Variants in KIAA1614 observed in about 807,000 individuals in gnomAD.
KIAA1614 encodes the protein uncharacterized protein KIAA1614.
KIAA1614 carries 76 observed loss-of-function variants against 88.7 expected under a neutral mutation model. The observed-to-expected ratio is 0.86, with a 90% CI of 0.71 to 1.04. KIAA1614 has a LOEUF of 1.04. KIAA1614 is among the 50% of genes least tolerant of loss of function. The probability of loss-of-function intolerance (pLI) is 0.00; values close to 1 mark genes in which losing one functional copy is unlikely to be tolerated. For synonymous variants in KIAA1614, 714 were observed against 675.5 expected, an observed-to-expected ratio of 1.06 and a Z score of -0.88; for missense variants, 1,553 against 1,582.5, an observed-to-expected ratio of 0.98 and a Z score of 0.32.
At position 180,935,172 on chromosome 1, in the gene KIAA1614, C is replaced by T; in HGVS notation, c.1263C>T (p.Ser421=). The T allele has an allele frequency of 6.8e-7, 1 of 1,466,048 alleles. No homozygotes were observed. Among genetic ancestry groups the T allele is most frequent in the South Asian group, 1.5e-5 (1 of 67,974 alleles). 90.8% of individuals were successfully genotyped at this position (1,466,048 alleles called of 1,614,324 possible). The change falls in exon 5 of 9, where the codon AGC becomes AGT. Residue 421 remains serine (S), a synonymous_variant. Coordinates refer to ENST00000367588, the MANE Select transcript of KIAA1614 (RefSeq NM_020950.2). The surrounding 1 kb of genome is among the most constrained non-coding windows in gnomAD (Gnocchi z 6.1). ...GGACGACCCCTGCCTGCAGAGACAG[C>T]CTCCAGAACGGGCACACGAGCGATT... ...DPRTTPACRD[S]LQNGHTSDSS... is the part of the protein sequence containing the mutation.
At chr1:180,938,466 C>A in intron 5 of KIAA1614, 89 bp from the exon 6 acceptor site, 2 of 1,429,250 alleles carry the variant, frequency 1.4e-6, no homozygotes, top group East Asian at 2.3e-5. Context: ...TCTTCTCACC[C>A]TCCCCCTGTT....
chr1:180,935,289 C>T lies in KIAA1614; in HGVS notation c.1380C>T (p.Ala460=). Residue 460 remains alanine (A), a synonymous_variant, in exon 5 of 9, where the codon GCC becomes GCT. Transcript: ENST00000367588. The surrounding 1 kb of genome is among the most constrained non-coding windows in gnomAD (Gnocchi z 6.1). ...TTGAGGATGAGTCCGCCCGCGAAGC[C>T]GAGTTCCGTCACCTGGAGCGGCTGC... ...VRFEDESARE[A]EFRHLERLQQ... The T allele has an allele frequency of 6.7e-7, 1 of 1,501,088 alleles. No homozygotes were observed. The highest frequency in any genetic ancestry group is 1.4e-5 in the African/African-American group (1 of 69,050). 93.0% of individuals were successfully genotyped at this position (1,501,088 alleles called of 1,614,324 possible). A position where few individuals can be genotyped will look rare whatever the true frequency, so the allele number is the denominator to read the frequency against.
Position 180,935,833 on chromosome 1 carries a change from G to C in KIAA1614, c.1924G>C (p.Gly642Arg), listed in dbSNP as rs1281499605. ...TGGCTGGGCGTGTGGGCGGACCCAA[G>C]GCAGCAGCCCGCGACTGCGACTGCG... ...QAGWACGRTQ[G>R]SSPRLRLRGS... Residue 642 changes from glycine to arginine, a missense_variant, in exon 5 of 9, where the codon GGC becomes CGC. By Grantham distance (125) the Gly-to-Arg change is moderately radical. Coordinates refer to ENST00000367588, the MANE Select transcript of KIAA1614 (RefSeq NM_020950.2). The surrounding 1 kb of genome is among the most constrained non-coding windows in gnomAD (Gnocchi z 6.1). 4 of 1,613,530 alleles carry C rather than the reference G, an allele frequency of 2.5e-6. No homozygotes were observed. Among genetic ancestry groups the C allele is most frequent in the Non-Finnish European group, 3.4e-6 (4 of 1,179,922 alleles).
At position 180,941,205 on chromosome 1, in the gene KIAA1614, TAC is replaced by T; in HGVS notation, c.3081_3082del (p.Tyr1027Ter). The T allele has an allele frequency of 6.2e-7, 1 of 1,613,860 alleles. No homozygotes were observed. The highest frequency in any genetic ancestry group is 8.5e-7 in the Non-Finnish European group (1 of 1,179,976). The stretch of plus-strand genomic sequence containing the variant: ...GCCCAAGCTGGGCAAGTCCCGCAGC[TAC>T]AGTGTGGAGCAGTTGCAGCCCGCCC... ...SRPKLGKSRS[Y>X]SVEQLQPAPP... On this transcript the variant is annotated frameshift_variant, in exon 7 of 9. Transcript: ENST00000367588. LOFTEE classifies it high-confidence loss of function.
chr1:180,923,250 T>A (rs1423497478), intron 3 of KIAA1614, among the ~76,000 whole-genome samples: 1 of 152,182 alleles, frequency 6.6e-6, no homozygotes, highest in Non-Finnish European at 1.5e-5. Flanking sequence ...CCCTCTCCCC[T>A]GACGGAGGTT....
In KIAA1614 at chr1:180,944,375, C is replaced by A. The variant is rs373588087; in HGVS notation, c.3160-14C>A. On this transcript the variant is annotated splice_polypyrimidine_tract_variant and intron_variant, in intron 7 of 8. Coordinates refer to ENST00000367588, the MANE Select transcript of KIAA1614 (RefSeq NM_020950.2). ...TAGCTTTTCTCACCCGCAATATTGTCCCTTTCTCATCAGGTGTCACCCTCT... is the reference window on the plus strand; with the variant it reads ...TAGCTTTTCTCACCCGCAATATTGTACCTTTCTCATCAGGTGTCACCCTCT... 6.2e-7 allele frequency: 1 copy of A among 1,612,050 alleles called. No individual in the cohort carries two copies. Among genetic ancestry groups the A allele is most frequent in the African/African-American group, 1.3e-5 (1 of 74,996 alleles).
At chr1:180,920,382 G>C (rs12035408) in intron 3 of KIAA1614, among the ~76,000 whole-genome samples, 13,858 of 152,290 alleles carry the variant, frequency 0.091, 638 homozygotes, top group East Asian at 0.13. Context: ...GTTCTAAGGG[G>C]CTTAGGACTT....
At position 180,936,562 on chromosome 1, in the gene KIAA1614, G is replaced by A. The variant is rs377327095; in HGVS notation, c.2653G>A (p.Ala885Thr). ...ALSTNNCNNS[A>T]PRGLQEPYGG... ...GTCCACCAACAACTGCAACAACAGC[G>A]CACCTCGGGGGCTGCAGGAGCCCTA... is the stretch of plus-strand genomic sequence containing the variant. Residue 885 changes from alanine (A) to threonine (T), a missense_variant, in exon 5 of 9, where the codon GCA becomes ACA. Ala to Thr is a moderately conservative substitution (Grantham distance 58, BLOSUM62 0). Coordinates refer to ENST00000367588, the MANE Select transcript of KIAA1614 (RefSeq NM_020950.2). 2.8e-5 allele frequency: 45 copies of A among 1,613,680 alleles called. No individual in the cohort carries two copies. The highest frequency in any genetic ancestry group is 1.8e-4 in the East Asian group (8 of 44,884).
rs61809172 is a variant in KIAA1614, at chr1:180,948,206, G to A, written c.*2618G>A. On this transcript the variant is annotated 3_prime_UTR_variant, in exon 9 of 9. Transcript: ENST00000367588. ...AAGCCTGGCGAGTGCTGGGGCCTCC[G>A]TGTCCCAGGCCATCCTCCAACAGCA... 0.11 allele frequency: 17,248 copies of A among 152,298 alleles called. 1,102 individuals are homozygous for A. Among genetic ancestry groups the A allele is most frequent in the South Asian group, 0.32 (1,560 of 4,830 alleles). 9.4% of individuals were successfully genotyped at this position (152,298 alleles called of 1,614,324 possible). A position where few individuals can be genotyped will look rare whatever the true frequency, so the allele number is the denominator to read the frequency against.
At chr1:180,922,629 G>A (rs1437123001) in intron 3 of KIAA1614, among the ~76,000 whole-genome samples, 6 of 152,180 alleles carry the variant, frequency 3.9e-5, no homozygotes, top group African/African-American at 1.4e-4. Flanking sequence ...AGCTTAATAT[G>A]TTAATTAGCA....
At chr1:180,922,319 T>C (rs1011188791) in intron 3 of KIAA1614, among the ~76,000 whole-genome samples, 1 of 152,182 alleles carries the variant, frequency 6.6e-6, no homozygotes, top group Non-Finnish European at 1.5e-5. Flanking sequence ...TTTCCCCTCA[T>C]CGCTGTGATG....
chr1:180,935,188 A>G lies in KIAA1614; in HGVS notation c.1279A>G (p.Thr427Ala). The G allele has an allele frequency of 6.7e-7, 1 of 1,483,548 alleles. No homozygotes were observed. The highest frequency in any genetic ancestry group is 9.0e-7 in the Non-Finnish European group (1 of 1,117,264). The allele number at this position is 1,483,548 out of a possible 1,614,324, so 91.9% of individuals were successfully genotyped here. A position where few individuals can be genotyped will look rare whatever the true frequency, so the allele number is the denominator to read the frequency against. ...ACRDSLQNGH[T>A]SDSSSGESSG... The stretch of plus-strand genomic sequence containing the variant: ...CAGAGACAGCCTCCAGAACGGGCAC[A>G]CGAGCGATTCCTCCAGCGGAGAGTC... The change falls in exon 5 of 9, where the codon ACG becomes GCG. Residue 427 changes from threonine (T) to alanine (A), a missense_variant. Physicochemically the swap from Thr to Ala is moderately conservative, Grantham distance 58. Transcript: ENST00000367588. This position sits in a 1 kb window ranked among gnomAD's most constrained non-coding sequence, Gnocchi z 6.1.
chr1:180,934,611 T>A (rs1654274904), intron 4 of KIAA1614, among the ~76,000 whole-genome samples: 2 of 152,000 alleles, frequency 1.3e-5, no homozygotes, highest in Admixed American at 6.6e-5. Flanking sequence ...AAAAAAAGAA[T>A]CTCTGACTTC....
At chr1:180,938,093 T>A (rs1018115686) in intron 5 of KIAA1614, among the ~76,000 whole-genome samples, 1 of 152,082 alleles carries the variant, frequency 6.6e-6, no homozygotes, top group South Asian at 2.1e-4. Flanking sequence ...ACATAACAGA[T>A]CTCCAGAAAT....
intron 1 of KIAA1614, among the ~76,000 whole-genome samples, chr1:180,915,412 G>A (rs1487348316): frequency 6.6e-6 from 1 of 152,196 alleles, no homozygotes; most frequent in African/African-American, 2.4e-5. Context: ...CTCCACTGAA[G>A]CTACCCTTCA....
chr1:180,922,187 A>G (rs1483070503), intron 3 of KIAA1614, among the ~76,000 whole-genome samples: 1 of 152,260 alleles, frequency 6.6e-6, no homozygotes, highest in Non-Finnish European at 1.5e-5. Flanking sequence ...GGGAGGCCCC[A>G]GGTGCTGAGT....
rs1654330604 is a variant in KIAA1614 at position 180,936,248 on chromosome 1, C to A, written c.2339C>A (p.Ser780Tyr). ...HESLEIVSPS[S>Y]LQQSHAEPSA... is the part of the protein sequence containing the mutation. ...TCCCTGGAAATTGTCTCTCCTTCCT[C>A]CCTGCAACAGAGCCATGCAGAGCCT... Residue 780 changes from serine to tyrosine, a missense_variant, in exon 5 of 9, where the codon TCC (serine) becomes TAC (tyrosine). Coordinates refer to ENST00000367588, the MANE Select transcript of KIAA1614 (RefSeq NM_020950.2). 11 of 1,614,232 alleles carry A rather than the reference C, an allele frequency of 6.8e-6. No homozygotes were observed. Among genetic ancestry groups the A allele is most frequent in the Non-Finnish European group, 9.3e-6 (11 of 1,180,032 alleles).
At chr1:180,924,886 A>ATAATAATAATAATAATAAT (rs1553258595) in intron 3 of KIAA1614, among the ~76,000 whole-genome samples, 1 of 142,640 alleles carries the variant, frequency 7.0e-6, no homozygotes, top group Admixed American at 7.1e-5. Context: ...GCTAATGATA[A>ATAATAATAATAATAATAAT]AATAATAATA....
At chr1:180,915,768 A>C (rs574470558) in intron 1 of KIAA1614, among the ~76,000 whole-genome samples, 1 of 152,128 alleles carries the variant, frequency 6.6e-6, no homozygotes. Flanking sequence ...GAGCATTACC[A>C]CCTGAGCTCT....
Sources: gnomAD v4.1 joint callset for allele counts (sites outside exome capture counted in the v4.1 genomes callset) on GRCh38, gnomAD v4.1.1 for gene constraint, Gnocchi (gnomAD v3.1) non-coding constraint, MANE v1.5 for transcripts, NCBI Gene and HGNC (gene_info 2026-07-23, HGNC 2026-07-21) for gene names.